Variants in CDHR2 observed in about 807,000 individuals in gnomAD.
CDHR2 encodes the protein cadherin related family member 2.
In CDHR2, 104 loss-of-function variants were observed where a neutral mutation model predicts 138.6. The ratio of observed to expected loss-of-function variants is 0.75; its 90% CI spans 0.64 to 0.88. The LOEUF (loss-of-function observed/expected upper bound fraction) is 0.88, where lower values mean the gene tolerates loss of function less well. Ranked by LOEUF, CDHR2 falls within the 40% of genes least tolerant of loss-of-function variation. The pLI is 0.00. For synonymous variants in CDHR2, 755 were observed against 742.8 expected, an observed-to-expected ratio of 1.02 and a Z score of -0.27; for missense variants, 1,624 against 1,727.6, an observed-to-expected ratio of 0.94 and a Z score of 1.06.
At position 176,586,208 on chromosome 5, in the gene CDHR2, T is replaced by C. The variant is rs148118187; in HGVS notation, c.2806+183T>C. Among the ~76,000 whole-genome samples, 803 of 152,280 alleles carry C rather than the reference T, an allele frequency of 5.3e-3. 3 individuals are homozygous for C. The highest frequency in any genetic ancestry group is 8.1e-3 in the Admixed American group (124 of 15,308). ...GGAGTTTTCTTTTTTCTTTCCTTTT[T>C]TTCTTGAGACGGAGTCTTGCTCTGT... On this transcript the variant is annotated intron_variant, in intron 20 of 31. Transcript: ENST00000261944.
intron 1 of CDHR2, among the ~76,000 whole-genome samples, chr5:176,559,801 C>A (rs912345378): frequency 3.9e-5 from 6 of 152,130 alleles, no homozygotes; most frequent in Admixed American, 2.0e-4. Flanking sequence ...TCTGGCCCCT[C>A]CCCCATCAGG....
chr5:176,581,714 C>T (rs1420178829), intron 17 of CDHR2, 132 bp downstream of exon 17: 2 of 1,189,632 alleles, frequency 1.7e-6, no homozygotes, highest in East Asian at 4.8e-5. Context: ...CGTATGGCCC[C>T]AGGCAATTAC....
At chr5:176,544,996 A>G (rs1581124602), upstream of CDHR2, among the ~76,000 whole-genome samples, 1 of 152,320 alleles carries the variant, frequency 6.6e-6, no homozygotes, top group Admixed American at 6.5e-5. Flanking sequence ...CTCAGAGGGA[A>G]GGAGAGACTT....
chr5:176,544,777 A>G (rs947932635), upstream of CDHR2, among the ~76,000 whole-genome samples: 8 of 152,206 alleles, frequency 5.3e-5, no homozygotes, highest in East Asian at 1.3e-3. Context: ...AGTCTGTGAC[A>G]TCACGGGGAT....
upstream of CDHR2, among the ~76,000 whole-genome samples, chr5:176,546,506 T>C (rs778757716): frequency 7.9e-5 from 12 of 152,058 alleles, no homozygotes; most frequent in Non-Finnish European, 1.2e-4. Flanking sequence ...GTAGGCATCA[T>C]GTATTACCTG....
At chr5:176,588,227 TG>T (rs1758716402) in intron 21 of CDHR2, among the ~76,000 whole-genome samples, 2 of 152,038 alleles carry the variant, frequency 1.3e-5, no homozygotes, top group African/African-American at 4.8e-5. Flanking sequence ...TAAGTGTGAA[TG>T]TGTGTGCCTG....
rs1757498154 is a variant in CDHR2 at position 176,543,226 on chromosome 5, G to C, written c.-16+457G>C. Among the ~76,000 whole-genome samples, 1 of 147,298 alleles carries C rather than the reference G, an allele frequency of 6.8e-6. No individual in the cohort carries two copies. Among genetic ancestry groups the C allele is most frequent in the Non-Finnish European group, 1.5e-5 (1 of 66,218 alleles). Reference sequence around the variant, plus strand: ...CCGCGTGCTCGCCGGCCCTGCGCCCGGGGCGCTCGGCGCAGGGTCCGGGCC... The same window carrying C: ...CCGCGTGCTCGCCGGCCCTGCGCCCCGGGCGCTCGGCGCAGGGTCCGGGCC... On this transcript the variant is annotated intron_variant, in intron 1 of 31. Coordinates refer to the CDHR2 transcript ENST00000510636. This position sits in a 1 kb window ranked among gnomAD's most constrained non-coding sequence, Gnocchi z 4.0.
chr5:176,574,888 C>T (rs763736040), intron 7 of CDHR2, among the ~76,000 whole-genome samples, 196 bp from the exon 8 acceptor site: 4 of 152,146 alleles, frequency 2.6e-5, no homozygotes, highest in Non-Finnish European at 5.9e-5. Context: ...ATTGGATCCT[C>T]CTTTCAACCC....
At chr5:176,581,212 TG>T in intron 16 of CDHR2, 130 bp from the exon 17 acceptor site, 1 of 1,212,260 alleles carries the variant, frequency 8.2e-7, no homozygotes, top group Non-Finnish European at 1.1e-6. Context: ...GGCTGGGAGA[TG>T]GGCCCAGGGG....
At chr5:176,572,715 C>T (rs1269887426) in intron 6 of CDHR2, among the ~76,000 whole-genome samples, 4 of 152,178 alleles carry the variant, frequency 2.6e-5, no homozygotes, top group Non-Finnish European at 5.9e-5. Flanking sequence ...TTGCCATGTG[C>T]CTGCAAAGAC....
intron 12 of CDHR2, 33 bp from the exon 13 acceptor site, chr5:176,577,366 G>A: frequency 3.8e-6 from 6 of 1,588,042 alleles, no homozygotes; most frequent in Non-Finnish European, 5.1e-6. Context: ...AGAGCAGGGG[G>A]ACAGGTCCCT....
intron 3 of CDHR2, chr5:176,567,171 A>C: frequency 4.6e-6 from 1 of 216,124 alleles, no homozygotes; most frequent in Non-Finnish European, 8.8e-6. Context: ...AGTGCACAGG[A>C]CTTTTTTTTT....
intron 31 of CDHR2, 61 bp from the exon 32 acceptor site, chr5:176,595,471 G>T: frequency 6.7e-7 from 1 of 1,500,262 alleles, no homozygotes. Context: ...ACTCCCCTAG[G>T]GCCTGGGGCA....
At position 176,576,349 on chromosome 5, in the gene CDHR2, A is replaced by G. The variant is rs906473337; in HGVS notation, c.1194+164A>G. ...TGCTCTCTGGAAGCCTGTGTTGGTA[A>G]GCAGTATCATCCTCTGGGCGATCCG... On this transcript the variant is annotated intron_variant, in intron 12 of 31. Coordinates refer to ENST00000261944, the MANE Select transcript of CDHR2 (RefSeq NM_017675.6). This position sits in a 1 kb window ranked among gnomAD's most constrained non-coding sequence, Gnocchi z 4.5. Among the ~76,000 whole-genome samples the G allele has an allele frequency of 6.6e-6, 1 of 151,982 alleles. No individual in the cohort carries two copies. The highest frequency in any genetic ancestry group is 2.4e-5 in the African/African-American group (1 of 41,374).
At position 176,595,721 on chromosome 5, in the gene CDHR2, TA is replaced by T; in HGVS notation, c.*51del. Reference sequence around the variant, plus strand: ...CCCTTGAAGAGGCCCTACCACACCCTAACTGCACCTGTCTCCCTGGAGATGA... The same window carrying T: ...CCCTTGAAGAGGCCCTACCACACCCTACTGCACCTGTCTCCCTGGAGATGA... On this transcript the variant is annotated 3_prime_UTR_variant, in exon 32 of 32. Coordinates refer to ENST00000261944, the MANE Select transcript of CDHR2 (RefSeq NM_017675.6). 1 of 1,440,440 alleles carries T rather than the reference TA, an allele frequency of 6.9e-7. No homozygotes were observed. The highest frequency in any genetic ancestry group is 9.2e-7 in the Non-Finnish European group (1 of 1,085,212). The allele number at this position is 1,440,440 out of a possible 1,614,324, so 89.2% of individuals were successfully genotyped here.
Position 176,576,300 on chromosome 5 carries a change from A to G in CDHR2, c.1194+115A>G, listed in dbSNP as rs1758381054. On this transcript the variant is annotated intron_variant, in intron 12 of 31. Transcript: ENST00000261944. This position sits in a 1 kb window ranked among gnomAD's most constrained non-coding sequence, Gnocchi z 4.5. Reference sequence around the variant, plus strand: ...GGCGGTGCTGGTGGTGCAGGGTGTGATGGCGGAGAATGGGGGTGCTGGGTG... The same window carrying G: ...GGCGGTGCTGGTGGTGCAGGGTGTGGTGGCGGAGAATGGGGGTGCTGGGTG... 13 of 790,440 alleles carry G rather than the reference A, an allele frequency of 1.6e-5. No individual in the cohort carries two copies. In the South Asian group the frequency reaches 2.0e-4, roughly 12 times the overall value. The allele number at this position is 790,440 out of a possible 1,614,324, so 49.0% of individuals were successfully genotyped here.
rs554799102 is a variant in CDHR2 at position 176,593,460 on chromosome 5, C to T, written c.3792+680C>T. Among the ~76,000 whole-genome samples the T allele has an allele frequency of 7.2e-5, 11 of 152,298 alleles. No individual in the cohort carries two copies. The East Asian group carries it at 1.3e-3, about 19-fold the overall frequency. ...CTCAGGGGGTGCTAAGGTGCAGGCA[C>T]GGTGGACACCGCTGGAGCGGGTCAG... On this transcript the variant is annotated intron_variant, in intron 31 of 31. Transcript: ENST00000261944.
intron 16 of CDHR2, among the ~76,000 whole-genome samples, chr5:176,578,931 A>T (rs1758467548): frequency 6.6e-6 from 1 of 152,256 alleles, no homozygotes; most frequent in African/African-American, 2.4e-5. Flanking sequence ...TAAGATAAAA[A>T]TATGAAAGAA....
intron 3 of CDHR2, among the ~76,000 whole-genome samples, chr5:176,567,555 G>C (rs1402441108): frequency 6.6e-6 from 1 of 151,940 alleles, no homozygotes; most frequent in African/African-American, 2.4e-5. Flanking sequence ...GCAGTGGTGC[G>C]ATCTCAGCTC....
Sources: gnomAD v4.1 joint callset for allele counts (sites outside exome capture counted in the v4.1 genomes callset) on GRCh38, gnomAD v4.1.1 for gene constraint, Gnocchi (gnomAD v3.1) non-coding constraint, MANE v1.5 for transcripts, NCBI Gene and HGNC (gene_info 2026-07-23, HGNC 2026-07-21) for gene names.